MGAT4C: variants seen among roughly 807,000 people sequenced by gnomAD.
MGAT4C encodes MGAT4 family member C, also known as alpha-1,3-mannosyl-glycoprotein 4-beta-N-acetylglucosaminyltransferase C.
Under a neutral mutation model 40.1 loss-of-function variants are expected in MGAT4C, and 19 were observed. That is an observed-to-expected ratio of 0.47 (90% CI 0.33 to 0.70). The LOEUF (loss-of-function observed/expected upper bound fraction) is 0.70. MGAT4C is among the 30% of genes least tolerant of loss of function. MGAT4C has a pLI of 0.02. For missense variants in MGAT4C, 491 were observed against 563.2 expected (o/e 0.87, Z 1.30); for synonymous variants, 181 against 187.1 (o/e 0.97, Z 0.27).
intron 2 of MGAT4C, among the ~76,000 whole-genome samples, chr12:86,489,643 C>T (rs1435541273): frequency 6.6e-6 from 1 of 152,196 alleles, no homozygotes; most frequent in East Asian, 1.9e-4. Context: ...CTCCTGCTGG[C>T]ACTGAAGCTG....
intron 3 of MGAT4C, among the ~76,000 whole-genome samples, chr12:86,411,173 A>C (rs78436062): frequency 0.019 from 2,950 of 152,290 alleles, 88 homozygotes; most frequent in African/African-American, 0.067. Flanking sequence ...AGGTAGTGGG[A>C]GTGAAGTTTT....
At chr12:85,985,016 G>A (rs1314306176) in intron 3 of MGAT4C, among the ~76,000 whole-genome samples, 1 of 152,184 alleles carries the variant, frequency 6.6e-6, no homozygotes, top group Non-Finnish European at 1.5e-5. Flanking sequence ...CTGACCTCAA[G>A]TGATCCACTC....
intron 2 of MGAT4C, among the ~76,000 whole-genome samples, chr12:86,455,507 A>G (rs1388158336): frequency 6.6e-6 from 1 of 152,142 alleles, no homozygotes; most frequent in East Asian, 1.9e-4. Context: ...ATTAAAAATA[A>G]TTTAAAAAGG....
rs555318699 is a variant in MGAT4C, at chr12:85,972,361, T to G, written c.*6928A>C. The G allele has an allele frequency of 3.4e-4, 51 of 151,260 alleles. No homozygotes were observed. The highest frequency in any genetic ancestry group is 1.2e-3 in the African/African-American group (48 of 41,462). 9.4% of individuals were successfully genotyped at this position (151,260 alleles called of 1,614,324 possible). A position where few individuals can be genotyped will look rare whatever the true frequency, so the allele number is the denominator to read the frequency against. On this transcript the variant is annotated 3_prime_UTR_variant, in exon 5 of 5. Transcript: ENST00000611864. ...ACAGCTAAGCTTATAGATATTTTCA[T>G]TTAAAGAAAAACTATTTGTTCATTT...
intron 1 of MGAT4C, among the ~76,000 whole-genome samples, chr12:86,077,563 G>C (rs772063346): frequency 3.9e-5 from 6 of 152,144 alleles, no homozygotes; most frequent in Non-Finnish European, 5.9e-5. Context: ...TGGTCACATG[G>C]TCATAGCTGG....
intron 1 of MGAT4C, among the ~76,000 whole-genome samples, chr12:86,765,621 G>A (rs1285076518): frequency 1.3e-5 from 2 of 152,146 alleles, no homozygotes; most frequent in African/African-American, 4.8e-5. Context: ...AGAGAGAAAG[G>A]TCGGGTTACC....
At chr12:86,131,815 G>C (rs899344776) in intron 1 of MGAT4C, among the ~76,000 whole-genome samples, 4 of 151,724 alleles carry the variant, frequency 2.6e-5, no homozygotes, top group Non-Finnish European at 2.9e-5. Flanking sequence ...AAGCTGCTTA[G>C]GCTGTATATT....
chr12:86,819,562 T>C (rs1290658859), intron 1 of MGAT4C, among the ~76,000 whole-genome samples: 1 of 150,954 alleles, frequency 6.6e-6, no homozygotes, highest in Non-Finnish European at 1.5e-5. Context: ...CAAATACATT[T>C]GGGAAAAGTT....
chr12:86,005,823 T>G (rs2136793355), intron 2 of MGAT4C, among the ~76,000 whole-genome samples: 1 of 152,334 alleles, frequency 6.6e-6, no homozygotes, highest in South Asian at 2.1e-4. Flanking sequence ...AGGTCAAATC[T>G]AATGAGACCA....
At chr12:86,361,799 C>G in intron 3 of MGAT4C, among the ~76,000 whole-genome samples, 1 of 152,162 alleles carries the variant, frequency 6.6e-6, no homozygotes, top group Non-Finnish European at 1.5e-5. Flanking sequence ...CCATCTCACA[C>G]CAGTTAGAAT....
chr12:86,540,519 C>T (rs1959156723), intron 2 of MGAT4C, among the ~76,000 whole-genome samples: 1 of 152,126 alleles, frequency 6.6e-6, no homozygotes, highest in South Asian at 2.1e-4. Context: ...ATGCAGATCA[C>T]GAGGTCAGGA....
chr12:86,828,982 T>G (rs1454556198), intron 1 of MGAT4C, among the ~76,000 whole-genome samples: 1 of 151,568 alleles, frequency 6.6e-6, no homozygotes, highest in African/African-American at 2.4e-5. Context: ...GCTTAAAGAA[T>G]TCTATGGTAT....
At chr12:86,199,655 T>C (rs564919119) in intron 1 of MGAT4C, among the ~76,000 whole-genome samples, 7 of 152,258 alleles carry the variant, frequency 4.6e-5, no homozygotes, top group African/African-American at 1.7e-4. Context: ...TGAAATCATA[T>C]ACTATAGAAC....
At chr12:86,713,749 A>G in intron 2 of MGAT4C, among the ~76,000 whole-genome samples, 1 of 152,122 alleles carries the variant, frequency 6.6e-6, no homozygotes, top group East Asian at 1.9e-4. Flanking sequence ...TTTAAGGATG[A>G]GGAATCTGAG....
chr12:86,709,375 TA>T (rs1251560171), intron 2 of MGAT4C, among the ~76,000 whole-genome samples: 1 of 152,206 alleles, frequency 6.6e-6, no homozygotes, highest in East Asian at 1.9e-4. Flanking sequence ...ATCAGCAGTG[TA>T]AAAATGTACT....
chr12:86,810,468 C>T (rs1952451570), intron 1 of MGAT4C, among the ~76,000 whole-genome samples: 2 of 151,590 alleles, frequency 1.3e-5, no homozygotes, highest in African/African-American at 4.8e-5. Flanking sequence ...CAGTTATAAG[C>T]TTAGGGTGAT....
intron 2 of MGAT4C, among the ~76,000 whole-genome samples, chr12:86,632,188 A>C (rs978958402): frequency 4.6e-5 from 7 of 152,212 alleles, no homozygotes; most frequent in African/African-American, 1.7e-4. Context: ...GAGAAATGGA[A>C]ATCAAAATCA....
intron 2 of MGAT4C, among the ~76,000 whole-genome samples, chr12:86,438,899 A>C (rs2136276128): frequency 6.6e-6 from 1 of 152,164 alleles, no homozygotes; most frequent in Admixed American, 6.6e-5. Flanking sequence ...GTCATTATAT[A>C]ATGATAAAAG....
At chr12:86,038,957 T>A (rs1891522229) in intron 2 of MGAT4C, among the ~76,000 whole-genome samples, 2 of 126,640 alleles carry the variant, frequency 1.6e-5, no homozygotes, top group South Asian at 2.2e-4. Context: ...GATTTGCTTG[T>A]CTGCAAAAGG....
Sources: gnomAD v4.1 joint callset for allele counts (sites outside exome capture counted in the v4.1 genomes callset) on GRCh38, gnomAD v4.1.1 for gene constraint, MANE v1.5 for transcripts, NCBI Gene and HGNC (gene_info 2026-07-23, HGNC 2026-07-21) for gene names.